Variants in LYPD1 observed in about 807,000 individuals in gnomAD.
LYPD1 encodes LY6/PLAUR domain containing 1, also known as ly6/PLAUR domain-containing protein 1.
In LYPD1, 14 loss-of-function variants were observed where a neutral mutation model predicts 14.2. The ratio of observed to expected loss-of-function variants is 0.99; its 90% CI spans 0.65 to 1.54. The LOEUF (loss-of-function observed/expected upper bound fraction) is 1.54, where lower values mean the gene tolerates loss of function less well. Ranked by LOEUF, LYPD1 falls within the 40% of genes most tolerant of loss-of-function variation. The pLI is 0.00. For synonymous variants in LYPD1, 85 were observed against 70.6 expected (o/e 1.20, Z -1.02); for missense variants, 165 against 175.7 (o/e 0.94, Z 0.34).
Position 132,670,199 on chromosome 2 carries a change from C to A in LYPD1, c.-267G>T. 1 of 1,144,048 alleles carries A rather than the reference C, an allele frequency of 8.7e-7. No homozygotes were observed. The highest frequency in any genetic ancestry group is 1.1e-6 in the Non-Finnish European group (1 of 877,950). The allele number at this position is 1,144,048 out of a possible 1,614,324, so 70.9% of individuals were successfully genotyped here. A position where few individuals can be genotyped will look rare whatever the true frequency, so the allele number is the denominator to read the frequency against. On this transcript the variant is annotated 5_prime_UTR_variant, in exon 1 of 3. Coordinates refer to ENST00000397463, the MANE Select transcript of LYPD1 (RefSeq NM_144586.7). The surrounding 1 kb of genome is among the most constrained non-coding windows in gnomAD (Gnocchi z 4.5). ...GCGCCTCCGGAGTTGGCGGCTGAGA[C>A]TGAAGGAACTACTGGCGATCGGGAG...
chr2:132,651,045 A>G (rs1028181044), intron 2 of LYPD1, among the ~76,000 whole-genome samples: 1 of 152,236 alleles, frequency 6.6e-6, no homozygotes, highest in Non-Finnish European at 1.5e-5. Flanking sequence ...CACATTTTAC[A>G]TGCATATGCA....
chr2:132,645,213 G>T lies in LYPD1; in HGVS notation c.*832C>A. 2 of 1,614,164 alleles carry T rather than the reference G, an allele frequency of 1.2e-6. No individual in the cohort carries two copies. Among genetic ancestry groups the T allele is most frequent in the Non-Finnish European group, 1.7e-6 (2 of 1,180,028 alleles). On this transcript the variant is annotated 3_prime_UTR_variant, in exon 3 of 3. Transcript: ENST00000397463. The stretch of plus-strand genomic sequence containing the variant: ...CGAGGTCCTACTTCCGGGCGTACAT[G>T]ATCCTCCTCCCCTTCTCGGAGACGT...
chr2:132,656,502 A>C (rs1682605030), intron 2 of LYPD1, among the ~76,000 whole-genome samples: 1 of 152,058 alleles, frequency 6.6e-6, no homozygotes. Context: ...GCAAGAAAAA[A>C]GATCTTCGAT....
chr2:132,667,999 C>T (rs1683381053), intron 2 of LYPD1, among the ~76,000 whole-genome samples: 1 of 152,222 alleles, frequency 6.6e-6, no homozygotes, highest in Admixed American at 6.5e-5. Flanking sequence ...ATTTTTCAAG[C>T]TCTGACCTCT....
intron 2 of LYPD1, among the ~76,000 whole-genome samples, chr2:132,649,365 G>A (rs1188573301): frequency 6.6e-6 from 1 of 152,138 alleles, no homozygotes; most frequent in Non-Finnish European, 1.5e-5. Flanking sequence ...TATTTGGAAA[G>A]GCTGATGTTT....
intron 2 of LYPD1, chr2:132,646,552 T>TAGAC (rs1682094563): frequency 3.0e-6 from 1 of 338,038 alleles, no homozygotes; most frequent in Non-Finnish European, 5.3e-6. Flanking sequence ...AGCTGTTAAA[T>TAGAC]AGACTTATTT....
chr2:132,644,539 G>C lies in LYPD1; in HGVS notation c.*1506C>G, dbSNP rs1012448836. 2.0e-4 allele frequency among the ~76,000 whole-genome samples: 31 copies of C among 152,210 alleles called. No individual in the cohort carries two copies. The highest frequency in any genetic ancestry group is 3.5e-4 in the Non-Finnish European group (24 of 68,044). ...TATATGTCCAAAAAACATTCTTGGC[G>C]ACAGGCTATTCCTGACTTTGCTTCC... On this transcript the variant is annotated 3_prime_UTR_variant, in exon 3 of 3. Coordinates refer to ENST00000397463, the MANE Select transcript of LYPD1 (RefSeq NM_144586.7).
At chr2:132,649,382 T>C (rs1682266673) in intron 2 of LYPD1, among the ~76,000 whole-genome samples, 1 of 152,152 alleles carries the variant, frequency 6.6e-6, no homozygotes, top group Non-Finnish European at 1.5e-5. Flanking sequence ...GTTTGGAGTC[T>C]GCAAAGAAGT....
chr2:132,661,467 C>A (rs899954802), intron 2 of LYPD1, among the ~76,000 whole-genome samples: 3 of 152,156 alleles, frequency 2.0e-5, no homozygotes, highest in Admixed American at 6.5e-5. Context: ...CTCATTCTAT[C>A]CCATTCCATA....
At chr2:132,668,257 C>T in intron 2 of LYPD1, 143 bp downstream of exon 2, 1 of 1,079,124 alleles carries the variant, frequency 9.3e-7, no homozygotes, top group Non-Finnish European at 1.3e-6. Context: ...TTCATTTTCC[C>T]AGCACTGTAA....
upstream of LYPD1, chr2:132,671,329 G>A (rs1053911857): frequency 1.3e-5 from 2 of 152,284 alleles, no homozygotes; most frequent in Non-Finnish European, 2.9e-5. Context: ...CACATCCTTA[G>A]GGAGCATCCA....
Position 132,645,574 on chromosome 2 carries a change from G to T in LYPD1, c.*471C>A. 6.2e-7 allele frequency: 1 copy of T among 1,613,908 alleles called. No homozygotes were observed. Among genetic ancestry groups the T allele is most frequent in the South Asian group, 1.1e-5 (1 of 91,034 alleles). On this transcript the variant is annotated 3_prime_UTR_variant, in exon 3 of 3. Transcript: ENST00000397463. ...AGGCGCGAAACCAGCCAATTCTGCT[G>T]CAGAGAATGGTTTTCAGGAGCATGA...
At chr2:132,663,523 C>T (rs911009269) in intron 2 of LYPD1, among the ~76,000 whole-genome samples, 1 of 152,168 alleles carries the variant, frequency 6.6e-6, no homozygotes, top group African/African-American at 2.4e-5. Context: ...GATCCACCTA[C>T]CTCAAGCTTC....
rs746861264 is a variant in LYPD1, at chr2:132,669,802, C to A, written c.52+79G>T. ...AGCGCAGGGCTGGCCCCGAGGTGGG[C>A]GCCTTGGGGGCAAAAGGGCTGGCGG... On this transcript the variant is annotated intron_variant, in intron 1 of 2. Coordinates refer to ENST00000397463, the MANE Select transcript of LYPD1 (RefSeq NM_144586.7). This position sits in a 1 kb window ranked among gnomAD's most constrained non-coding sequence, Gnocchi z 4.3. 6 of 1,575,446 alleles carry A rather than the reference C, an allele frequency of 3.8e-6. No homozygotes were observed. In the African/African-American group the frequency reaches 6.9e-5, roughly 18 times the overall value.
In LYPD1 at chr2:132,649,424, TAAAG is replaced by T. The variant is rs1311783930; in HGVS notation, c.191-3148_191-3145del. Among the ~76,000 whole-genome samples the T allele has an allele frequency of 6.6e-5, 10 of 152,166 alleles. No homozygotes were observed. The East Asian group carries it at 9.7e-4, about 15-fold the overall frequency. On this transcript the variant is annotated intron_variant, in intron 2 of 2. Transcript: ENST00000397463. ...AAGCCACCTCTCCCATGGCTTCAGA[TAAAG>T]AAAGAAAAGCTTTCCAGGTTCATTG...
rs949584978 is a variant in LYPD1, at chr2:132,645,364, C to T, written c.*681G>A. ...GCAGCACGCCAACCACGAGAAGCGC[C>T]TGCGCGTACATGCGCACTCCACCAC... On this transcript the variant is annotated 3_prime_UTR_variant, in exon 3 of 3. Coordinates refer to ENST00000397463, the MANE Select transcript of LYPD1 (RefSeq NM_144586.7). 6.8e-6 allele frequency: 11 copies of T among 1,613,930 alleles called. No individual in the cohort carries two copies. In the African/African-American group the frequency reaches 1.3e-4, roughly 20 times the overall value.
chr2:132,660,718 A>G (rs1682877505), intron 2 of LYPD1: 1 of 152,266 alleles, frequency 6.6e-6, no homozygotes, highest in South Asian at 2.1e-4. Flanking sequence ...ACTACAAAGC[A>G]AGGGAGAATC....
upstream of LYPD1, chr2:132,671,459 A>C (rs1481964833): frequency 2.6e-5 from 4 of 152,300 alleles, no homozygotes; most frequent in African/African-American, 9.7e-5. Context: ...TCCTCCCAGC[A>C]GAGCTGGTCT....
At position 132,646,257 on chromosome 2, in the gene LYPD1, C is replaced by A. The variant is rs1682070322; in HGVS notation, c.214G>T (p.Ala72Ser). Reference sequence around the variant, plus strand: ...GCGATGAGACAGGCCGCTGATGATGCACAGGACTTGCGGTACATGATCCCT... The same window carrying A: ...GCGATGAGACAGGCCGCTGATGATGAACAGGACTTGCGGTACATGATCCCT... ...SAGIMYRKSC[A>S]SSAACLIASA... Residue 72 changes from alanine (A) to serine (S), a missense_variant, in exon 3 of 3, where the codon GCA (alanine) becomes TCA (serine). Transcript: ENST00000397463. 1 of 1,565,472 alleles carries A rather than the reference C, an allele frequency of 6.4e-7. No homozygotes were observed. The highest frequency in any genetic ancestry group is 1.8e-5 in the Admixed American group (1 of 55,208).
Sources: allele counts gnomAD v4.1 joint callset (sites outside exome capture counted in the v4.1 genomes callset), GRCh38; gene constraint gnomAD v4.1.1; non-coding constraint Gnocchi (gnomAD v3.1); transcripts MANE v1.5; gene names NCBI Gene and HGNC (gene_info 2026-07-23, HGNC 2026-07-21).